Variants in EVA1C observed in about 807,000 individuals in gnomAD.
EVA1C encodes the protein eva-1 homolog C.
In EVA1C, 25 loss-of-function variants were observed where a neutral mutation model predicts 45.4. The observed-to-expected ratio is 0.55, with a 90% CI of 0.40 to 0.77. The LOEUF (loss-of-function observed/expected upper bound fraction) is 0.77, where lower values mean the gene tolerates loss of function less well. Ranked by LOEUF, EVA1C falls within the 30% of genes least tolerant of loss-of-function variation. The pLI is 0.00. For missense variants in EVA1C, 479 were observed against 554.8 expected (o/e 0.86, Z 1.37); for synonymous variants, 190 against 221.2 (o/e 0.86, Z 1.25).
At chr21:32,419,335 G>C (rs952818118) in intron 1 of EVA1C, among the ~76,000 whole-genome samples, 1 of 152,202 alleles carries the variant, frequency 6.6e-6, no homozygotes, top group African/African-American at 2.4e-5. Context: ...CCTATTGCCT[G>C]ACTTGCGTAC....
At chr21:32,423,940 G>C (rs1333570529) in intron 1 of EVA1C, among the ~76,000 whole-genome samples, 1 of 152,174 alleles carries the variant, frequency 6.6e-6, no homozygotes, top group African/African-American at 2.4e-5. Flanking sequence ...GAGGAGCAGA[G>C]AGGAAGAAAC....
intron 3 of EVA1C, among the ~76,000 whole-genome samples, chr21:32,465,388 C>T (rs1378927153): frequency 2.0e-5 from 3 of 152,150 alleles, no homozygotes; most frequent in Admixed American, 6.6e-5. Flanking sequence ...CATGACAGCC[C>T]AAGCAGTTCT....
intron 2 of EVA1C, among the ~76,000 whole-genome samples, chr21:32,453,987 T>C (rs537834742): frequency 6.6e-6 from 1 of 152,256 alleles, no homozygotes; most frequent in South Asian, 2.1e-4. Flanking sequence ...TCCCAGCACT[T>C]TGGGAGGCCG....
intron 7 of EVA1C, among the ~76,000 whole-genome samples, chr21:32,506,245 G>A (rs1453700510): frequency 1.4e-5 from 2 of 147,276 alleles, no homozygotes; most frequent in Admixed American, 1.4e-4. Flanking sequence ...TGGTATCCCT[G>A]TATCTAGGAT....
chr21:32,505,070 C>G (rs964172675), intron 7 of EVA1C, among the ~76,000 whole-genome samples: 1 of 151,984 alleles, frequency 6.6e-6, no homozygotes, highest in Non-Finnish European at 1.5e-5. Flanking sequence ...AAAGACCCAC[C>G]CCATGATTCA....
intron 7 of EVA1C, among the ~76,000 whole-genome samples, chr21:32,512,660 A>G (rs572491655): frequency 6.6e-6 from 1 of 152,294 alleles, no homozygotes; most frequent in East Asian, 1.9e-4. Flanking sequence ...TGGCCTGACC[A>G]TGGGTGGCTG....
At chr21:32,427,691 G>A (rs1265374200) in intron 1 of EVA1C, among the ~76,000 whole-genome samples, 1 of 149,770 alleles carries the variant, frequency 6.7e-6, no homozygotes, top group Non-Finnish European at 1.5e-5. Flanking sequence ...CCAGCCTGGT[G>A]ACAGAGCAAG....
rs546760840 is a variant in EVA1C at position 32,441,623 on chromosome 21, G to A, written c.161-11689G>A. On this transcript the variant is annotated intron_variant, in intron 1 of 7. Transcript: ENST00000300255. Reference sequence around the variant, plus strand: ...GGATTGACATGTGTAGACAAATGCCGAGACAGCCACGAAAATCTGAAATCC... The same window carrying A: ...GGATTGACATGTGTAGACAAATGCCAAGACAGCCACGAAAATCTGAAATCC... 1.2e-4 allele frequency among the ~76,000 whole-genome samples: 18 copies of A among 152,120 alleles called. No homozygotes were observed. In the South Asian group the frequency reaches 2.1e-3, roughly 17 times the overall value.
chr21:32,513,554 T>TTC (rs1467036700), intron 7 of EVA1C, among the ~76,000 whole-genome samples: 41 of 123,436 alleles, frequency 3.3e-4, no homozygotes, highest in East Asian at 1.7e-3. Context: ...TTCTTTTCTT[T>TTC]TTTTTTTTTT....
chr21:32,499,194 T>C (rs1278224091), intron 5 of EVA1C, among the ~76,000 whole-genome samples: 2 of 152,214 alleles, frequency 1.3e-5, no homozygotes, highest in African/African-American at 2.4e-5. Context: ...AAGCCATAGT[T>C]TGAGAACAAG....
At chr21:32,479,323 T>A (rs1306337146) in intron 4 of EVA1C, among the ~76,000 whole-genome samples, 1 of 152,124 alleles carries the variant, frequency 6.6e-6, no homozygotes, top group Non-Finnish European at 1.5e-5. Flanking sequence ...CTCGGGAGGC[T>A]GAGGCAGGAG....
At chr21:32,514,372 T>G (rs1416023699) in intron 7 of EVA1C, among the ~76,000 whole-genome samples, 2 of 152,218 alleles carry the variant, frequency 1.3e-5, no homozygotes, top group Non-Finnish European at 2.9e-5. Flanking sequence ...TATTGAGCAT[T>G]TACTATGTGT....
chr21:32,431,887 A>G (rs2034717394), intron 1 of EVA1C, among the ~76,000 whole-genome samples: 1 of 152,230 alleles, frequency 6.6e-6, no homozygotes, highest in Non-Finnish European at 1.5e-5. Flanking sequence ...CCCTGCTACA[A>G]TACGGTTTTC....
intron 1 of EVA1C, among the ~76,000 whole-genome samples, chr21:32,413,443 C>CTT (rs1325884971): frequency 6.6e-6 from 1 of 152,206 alleles, no homozygotes; most frequent in Non-Finnish European, 1.5e-5. Context: ...CCAGGGGACA[C>CTT]TTGACCTCGA....
chr21:32,500,882 G>A (rs1296960357), intron 5 of EVA1C, among the ~76,000 whole-genome samples: 7 of 151,682 alleles, frequency 4.6e-5, no homozygotes, highest in South Asian at 2.1e-4. Flanking sequence ...TGCGCTCTTC[G>A]CTCACTGCAA....
At chr21:32,419,397 C>A (rs112625897) in intron 1 of EVA1C, among the ~76,000 whole-genome samples, 77 of 152,320 alleles carry the variant, frequency 5.1e-4, no homozygotes, top group African/African-American at 1.8e-3. Context: ...AGGATTTGAA[C>A]CCAGTACCTA....
At chr21:32,470,210 A>G (rs892136217) in intron 4 of EVA1C, among the ~76,000 whole-genome samples, 1 of 152,230 alleles carries the variant, frequency 6.6e-6, no homozygotes, top group Non-Finnish European at 1.5e-5. Context: ...GACCTGAAAA[A>G]AAGAAAATGA....
At chr21:32,419,559 A>G (rs2034181881) in intron 1 of EVA1C, among the ~76,000 whole-genome samples, 1 of 152,180 alleles carries the variant, frequency 6.6e-6, no homozygotes, top group Admixed American at 6.5e-5. Flanking sequence ...TACTAAAAAT[A>G]CAAAAATTAG....
intron 5 of EVA1C, among the ~76,000 whole-genome samples, chr21:32,500,817 C>CTT (rs35107337): frequency 1.6e-4 from 23 of 147,116 alleles, no homozygotes; most frequent in African/African-American, 2.5e-4. Context: ...CGGTACTTCA[C>CTT]TTTTTTTTTT....
Sources: gnomAD v4.1 joint callset for allele counts (sites outside exome capture counted in the v4.1 genomes callset) on GRCh38, gnomAD v4.1.1 for gene constraint, MANE v1.5 for transcripts, NCBI Gene and HGNC (gene_info 2026-07-23, HGNC 2026-07-21) for gene names.